VIPR2: variants seen among roughly 807,000 people sequenced by gnomAD.
The protein encoded by VIPR2 is vasoactive intestinal polypeptide receptor 2.
A neutral mutation model predicts 58.0 loss-of-function variants in VIPR2; 48 were observed. The ratio of observed to expected loss-of-function variants is 0.83; its 90% confidence interval spans 0.66 to 1.05. VIPR2 has a LOEUF of 1.05. Among genes scored for constraint, VIPR2 ranks in the 50% least tolerant of loss-of-function variants. VIPR2 has a pLI of 0.00. For synonymous variants in VIPR2, 243 were observed against 235.2 expected, an observed-to-expected ratio of 1.03 and a Z score of -0.30; for missense variants, 534 against 558.0, an observed-to-expected ratio of 0.96 and a Z score of 0.43.
chr7:159,141,848 C>T (rs1356897699), intron 2 of VIPR2, among the ~76,000 whole-genome samples: 1 of 152,188 alleles, frequency 6.6e-6, no homozygotes, highest in African/African-American at 2.4e-5. Context: ...GGGACAAAGG[C>T]CTTGCTACTA....
Position 159,030,676 on chromosome 7 carries a change from C to T in VIPR2, c.1257G>A (p.Leu419=), listed in dbSNP as rs752138836. 1.6e-5 allele frequency: 25 copies of T among 1,567,508 alleles called. No individual in the cohort carries two copies. The highest frequency in any genetic ancestry group is 2.0e-5 in the Non-Finnish European group (23 of 1,157,804). The change falls in exon 13 of 13, where the codon CTG becomes CTA. Residue 419 remains leucine, a synonymous_variant. Coordinates refer to ENST00000262178, the MANE Select transcript of VIPR2 (RefSeq NM_003382.5). ...GGGCGCGGGAGCCGCGGTGGAACTG[C>T]AGGGCGCCCTCCGAGCCGTTGCGGG... ...SFSRNGSEGA[L]QFHRGSRAQS...
At chr7:159,114,214 C>T (rs926770287) in intron 2 of VIPR2, among the ~76,000 whole-genome samples, 3 of 151,734 alleles carry the variant, frequency 2.0e-5, no homozygotes, top group Non-Finnish European at 2.9e-5. Flanking sequence ...GGAGAGGCAG[C>T]GAATTTGGGA....
intron 1 of VIPR2, 28 bp downstream of exon 1, chr7:159,144,693 G>C: frequency 7.5e-7 from 1 of 1,335,026 alleles, no homozygotes; most frequent in South Asian, 2.0e-5. Context: ...CCGAGGCGCC[G>C]TGGGGCGGGG....
intron 5 of VIPR2, among the ~76,000 whole-genome samples, chr7:159,043,866 G>A (rs1027770667): frequency 1.3e-5 from 2 of 152,234 alleles, no homozygotes; most frequent in African/African-American, 4.8e-5. Flanking sequence ...CACTTGGCAG[G>A]GGAAGCAAAC....
At chr7:159,122,110 G>A (rs576517834) in intron 2 of VIPR2, among the ~76,000 whole-genome samples, 1 of 152,194 alleles carries the variant, frequency 6.6e-6, no homozygotes, top group African/African-American at 2.4e-5. Context: ...TATGCGTGGA[G>A]TTCTAGAGGT....
chr7:159,070,543 C>A (rs902525397), intron 4 of VIPR2, among the ~76,000 whole-genome samples: 1 of 152,104 alleles, frequency 6.6e-6, no homozygotes, highest in Admixed American at 6.5e-5. Flanking sequence ...TTCATGGACG[C>A]TTAATAGGAT....
chr7:159,049,257 T>C (rs927152072), intron 5 of VIPR2, among the ~76,000 whole-genome samples: 1 of 152,212 alleles, frequency 6.6e-6, no homozygotes, highest in African/African-American at 2.4e-5. Context: ...GAAGACTTAA[T>C]TGGAACACAC....
intron 5 of VIPR2, among the ~76,000 whole-genome samples, chr7:159,046,976 T>G: frequency 6.6e-6 from 1 of 152,378 alleles, no homozygotes; most frequent in Non-Finnish European, 1.5e-5. Flanking sequence ...GGCTCATGCC[T>G]GTAATCCCAG....
intron 10 of VIPR2, among the ~76,000 whole-genome samples, chr7:159,032,633 T>G (rs1853667224): frequency 6.6e-6 from 1 of 152,194 alleles, no homozygotes; most frequent in Admixed American, 6.5e-5. Flanking sequence ...GGCTGAGCTC[T>G]TGGCCCCTAT....
At chr7:159,107,642 A>G (rs1167200650) in intron 3 of VIPR2, among the ~76,000 whole-genome samples, 2 of 150,430 alleles carry the variant, frequency 1.3e-5, no homozygotes, top group Non-Finnish European at 3.0e-5. Context: ...TGCTTCTGGA[A>G]CCGCTGCAGG....
intron 4 of VIPR2, among the ~76,000 whole-genome samples, chr7:159,064,726 G>A (rs1470829739): frequency 6.6e-6 from 1 of 152,176 alleles, no homozygotes. Flanking sequence ...ATCCAGGGCC[G>A]TCTGCTGGCC....
At position 159,030,649 on chromosome 7, in the gene VIPR2, C is replaced by G. The variant is rs1853488455; in HGVS notation, c.1284G>C (p.Gln428His). The change falls in exon 13 of 13, where the codon CAG (glutamine) becomes CAC (histidine). Residue 428 changes from glutamine (Q) to histidine (H), a missense_variant. Physicochemically the swap from Gln to His is conservative, Grantham distance 24. Around this residue, in one of 3 missense-constraint regions of VIPR2, gnomAD observed 306 missense variants for 285.8 expected, o/e 1.07. Transcript: ENST00000262178. Reference sequence around the variant, plus strand: ...CCGAGGTCTCCGTTTGCAGGAAGGACTGGGCGCGGGAGCCGCGGTGGAACT... The same window carrying G: ...CCGAGGTCTCCGTTTGCAGGAAGGAGTGGGCGCGGGAGCCGCGGTGGAACT... ...ALQFHRGSRA[Q>H]SFLQTETSVI 6.4e-7 allele frequency: 1 copy of G among 1,557,320 alleles called. No homozygotes were observed. The highest frequency in any genetic ancestry group is 1.4e-5 in the African/African-American group (1 of 73,690).
At chr7:159,144,604 C>A (rs1226162926) in intron 1 of VIPR2, 117 bp downstream of exon 1, 4 of 1,376,358 alleles carry the variant, frequency 2.9e-6, no homozygotes, top group Non-Finnish European at 3.8e-6. Context: ...CTCTCCCGGA[C>A]CCCGCCCGCG....
intron 2 of VIPR2, among the ~76,000 whole-genome samples, chr7:159,124,017 G>A (rs1243829495): frequency 2.6e-5 from 4 of 152,222 alleles, no homozygotes; most frequent in South Asian, 2.1e-4. Flanking sequence ...TTGTAAATTC[G>A]TTTGAGTTCC....
At chr7:159,121,941 T>C (rs950794676) in intron 2 of VIPR2, among the ~76,000 whole-genome samples, 1 of 152,206 alleles carries the variant, frequency 6.6e-6, no homozygotes, top group Non-Finnish European at 1.5e-5. Flanking sequence ...GTCAACATGG[T>C]TTAACCTTCA....
At chr7:159,091,586 C>T (rs1477969725) in intron 4 of VIPR2, among the ~76,000 whole-genome samples, 1 of 152,246 alleles carries the variant, frequency 6.6e-6, no homozygotes, top group East Asian at 1.9e-4. Context: ...AGGGAAAGCC[C>T]CGCCCTGCAC....
intron 4 of VIPR2, among the ~76,000 whole-genome samples, chr7:159,072,183 G>A (rs1856443289): frequency 6.7e-6 from 1 of 149,250 alleles, no homozygotes; most frequent in African/African-American, 2.5e-5. Flanking sequence ...TCTAGGCCGG[G>A]AACCCTGCGG....
intron 5 of VIPR2, among the ~76,000 whole-genome samples, chr7:159,049,284 A>G (rs1010988446): frequency 2.6e-5 from 4 of 151,802 alleles, no homozygotes; most frequent in African/African-American, 9.7e-5. Context: ...GAGGACCTCC[A>G]CTTGTGGCCG....
chr7:159,135,163 CA>C (rs1797164102), intron 2 of VIPR2, among the ~76,000 whole-genome samples: 1 of 152,076 alleles, frequency 6.6e-6, no homozygotes, highest in African/African-American at 2.4e-5. Flanking sequence ...GGGCCGGCTA[CA>C]GGGGCTCGCG....
Sources: gnomAD v4.1 joint callset for allele counts (sites outside exome capture counted in the v4.1 genomes callset) on GRCh38, gnomAD v4.1.1 for gene constraint, gnomAD v4.1.1 regional missense constraint, MANE v1.5 for transcripts, NCBI Gene and HGNC (gene_info 2026-07-23, HGNC 2026-07-21) for gene names.